AOAH: variants seen among roughly 807,000 people sequenced by gnomAD.
The protein encoded by AOAH is acyloxyacyl hydrolase (neutrophil).
Under a neutral mutation model 92.2 loss-of-function variants are expected in AOAH, and 64 were observed. The ratio of observed to expected loss-of-function variants is 0.69; its 90% CI spans 0.57 to 0.86. The LOEUF is 0.86. Among genes scored for constraint, AOAH ranks in the 40% least tolerant of loss-of-function variants. The probability of loss-of-function intolerance (pLI) is 0.00; values close to 1 mark genes in which losing one functional copy is unlikely to be tolerated. For synonymous variants in AOAH, 263 were observed against 254.5 expected, an observed-to-expected ratio of 1.03 and a Z score of -0.32; for missense variants, 656 against 694.6, an observed-to-expected ratio of 0.94 and a Z score of 0.62.
chr7:36,710,113 T>A (rs565874570), intron 1 of AOAH, among the ~76,000 whole-genome samples: 7 of 152,302 alleles, frequency 4.6e-5, no homozygotes, highest in African/African-American at 1.7e-4. Context: ...TCTTACTTAA[T>A]TCCCTATTCT....
At chr7:36,542,957 T>C (rs1221934832) in intron 15 of AOAH, among the ~76,000 whole-genome samples, 2 of 152,214 alleles carry the variant, frequency 1.3e-5, no homozygotes, top group Non-Finnish European at 2.9e-5. Context: ...CTAAAAAGTA[T>C]TAAAGTATTG....
chr7:36,613,315 C>T (rs1791609262), intron 11 of AOAH, among the ~76,000 whole-genome samples: 1 of 152,086 alleles, frequency 6.6e-6, no homozygotes, highest in Non-Finnish European at 1.5e-5. Context: ...AGTATCTTCC[C>T]TCGTTGTTGG....
chr7:36,577,506 A>C (rs1788599854), intron 12 of AOAH, among the ~76,000 whole-genome samples: 1 of 152,206 alleles, frequency 6.6e-6, no homozygotes, highest in Non-Finnish European at 1.5e-5. Flanking sequence ...TGAGAGAAAT[A>C]AACTCATATA....
Position 36,594,337 on chromosome 7 carries a change from AC to A in AOAH, c.938+1del. The A allele has an allele frequency of 1.2e-6, 2 of 1,611,838 alleles. No individual in the cohort carries two copies. Among genetic ancestry groups the A allele is most frequent in the Non-Finnish European group, 1.7e-6 (2 of 1,177,888 alleles). ...TGTCTGAGGGTGCACAAAGACACTT[AC>A]CCAACAGTGGAGTCCAGAAATCCTG... On this transcript the variant is annotated splice_donor_variant, in intron 12 of 20. Transcript: ENST00000617537. LOFTEE classifies it high-confidence loss of function.
chr7:36,659,290 A>T, intron 3 of AOAH, 25 bp from the exon 4 acceptor site: 1 of 1,570,588 alleles, frequency 6.4e-7, no homozygotes, highest in Non-Finnish European at 8.8e-7. Flanking sequence ...TGCAAAACAA[A>T]GGCTATTCAG....
rs199813843 is a variant in AOAH, at chr7:36,671,649, T to G, written c.290+2294A>C. 2.9e-4 allele frequency among the ~76,000 whole-genome samples: 44 copies of G among 149,288 alleles called. 1 individual carries two copies. Among genetic ancestry groups the G allele is most frequent in the African/African-American group, 1.1e-3 (44 of 40,526 alleles). On this transcript the variant is annotated intron_variant, in intron 3 of 20. Transcript: ENST00000617537. ...TGTGCATCTGTGTGTGTGCACGTGT[T>G]TGTGTGTGTGTGTGTGTGTGCCTGT...
intron 15 of AOAH, among the ~76,000 whole-genome samples, chr7:36,548,249 G>A (rs554459421): frequency 1.8e-4 from 27 of 152,152 alleles, no homozygotes; most frequent in Non-Finnish European, 2.5e-4. Flanking sequence ...GCAGTGGCAC[G>A]ATCTCAGCTC....
At chr7:36,687,083 T>C (rs1438137064) in intron 1 of AOAH, among the ~76,000 whole-genome samples, 1 of 152,124 alleles carries the variant, frequency 6.6e-6, no homozygotes, top group African/African-American at 2.4e-5. Flanking sequence ...ATTCGCTTGG[T>C]AGAAGGAGAA....
intron 11 of AOAH, among the ~76,000 whole-genome samples, chr7:36,603,602 G>GTC (rs1293918366): frequency 6.6e-6 from 1 of 152,156 alleles, no homozygotes; most frequent in Non-Finnish European, 1.5e-5. Flanking sequence ...AGGCCGTTTG[G>GTC]TCTCTGTTGT....
intron 1 of AOAH, chr7:36,690,056 G>A (rs1372532454): frequency 2.7e-5 from 10 of 369,724 alleles, no homozygotes; most frequent in Non-Finnish European, 4.3e-5. Flanking sequence ...AATGCAAAGC[G>A]AATGGGGCAG....
At chr7:36,714,861 A>G (rs1458137655) in intron 1 of AOAH, among the ~76,000 whole-genome samples, 2 of 152,210 alleles carry the variant, frequency 1.3e-5, no homozygotes, top group Non-Finnish European at 2.9e-5. Flanking sequence ...ACAAACCCAC[A>G]GCCAATATCA....
Position 36,632,068 on chromosome 7 carries a change from C to T in AOAH, c.489G>A (p.Pro163=), listed in dbSNP as rs553727878. Reference sequence around the variant, plus strand: ...TTTTCTGGCAGATCTTGGCCAAAACCGGGAGTGAACAAATGTCAGAACCAC... The same window carrying T: ...TTTTCTGGCAGATCTTGGCCAAAACTGGGAGTGAACAAATGTCAGAACCAC... ...SRSGSDICSL[P]VLAKICQKIK... is the part of the protein sequence containing the mutation. The change falls in exon 6 of 21, where the codon CCG becomes CCA. Residue 163 remains proline, a synonymous_variant. Coordinates refer to ENST00000617537, the MANE Select transcript of AOAH (RefSeq NM_001637.4). 58 of 1,612,298 alleles carry T rather than the reference C, an allele frequency of 3.6e-5. No homozygotes were observed. In the East Asian group the frequency reaches 4.5e-4, roughly 12 times the overall value.
In AOAH at chr7:36,527,194, C is replaced by T. The variant is rs555802479; in HGVS notation, c.1522+3224G>A. 1.2e-4 allele frequency among the ~76,000 whole-genome samples: 19 copies of T among 152,262 alleles called. No individual in the cohort carries two copies. In the South Asian group the frequency reaches 3.1e-3, roughly 25 times the overall value. On this transcript the variant is annotated intron_variant, in intron 19 of 20. Coordinates refer to ENST00000617537, the MANE Select transcript of AOAH (RefSeq NM_001637.4). ...GGAGATGAGTAATCATCTTTCAGTG[C>T]TGGACTGAGGCTGTCAGGGTGGAAA... is the stretch of plus-strand genomic sequence containing the variant.
intron 16 of AOAH, 38 bp from the exon 17 acceptor site, chr7:36,532,382 G>A (rs369441530): frequency 7.1e-5 from 113 of 1,602,290 alleles, no homozygotes; most frequent in Middle Eastern, 2.1e-4. Context: ...GCATCCACTC[G>A]GCAATAGCAG....
chr7:36,657,388 C>A (rs1794954793), intron 4 of AOAH, among the ~76,000 whole-genome samples: 1 of 152,202 alleles, frequency 6.6e-6, no homozygotes, highest in African/African-American at 2.4e-5. Context: ...CCAACCTAGG[C>A]CTGCTTGGGA....
intron 11 of AOAH, among the ~76,000 whole-genome samples, chr7:36,607,456 C>T (rs1791092386): frequency 6.6e-6 from 1 of 152,168 alleles, no homozygotes; most frequent in Non-Finnish European, 1.5e-5. Flanking sequence ...AGGTCTTTAA[C>T]TGGCACATGA....
chr7:36,531,170 C>T (rs1164191093), intron 18 of AOAH, among the ~76,000 whole-genome samples: 1 of 152,048 alleles, frequency 6.6e-6, no homozygotes, highest in Non-Finnish European at 1.5e-5. Flanking sequence ...TAGGCAAAAA[C>T]CAAATATATT....
chr7:36,580,641 A>T (rs1481119112), intron 12 of AOAH, among the ~76,000 whole-genome samples: 1 of 151,890 alleles, frequency 6.6e-6, no homozygotes, highest in Non-Finnish European at 1.5e-5. Flanking sequence ...CAGATGTGTG[A>T]TGATCCTGGG....
chr7:36,610,447 G>A (rs763871719), intron 11 of AOAH, among the ~76,000 whole-genome samples: 6 of 150,904 alleles, frequency 4.0e-5, no homozygotes, highest in Non-Finnish European at 7.4e-5. Context: ...ATTTAAGATG[G>A]TGGGGTTATT....
Sources: allele counts gnomAD v4.1 joint callset (sites outside exome capture counted in the v4.1 genomes callset), GRCh38; gene constraint gnomAD v4.1.1; transcripts MANE v1.5; gene names NCBI Gene and HGNC (gene_info 2026-07-23, HGNC 2026-07-21).